The following C4BPB variants were observed in gnomAD, a reference collection of about 807,000 sequenced individuals.
The protein encoded by C4BPB is C4b-binding protein beta chain.
Under a neutral mutation model 26.6 loss-of-function variants are expected in C4BPB, and 19 were observed. The ratio of observed to expected loss-of-function variants is 0.71; its 90% CI spans 0.50 to 1.05. C4BPB has a LOEUF of 1.05. Ranked by LOEUF, C4BPB falls within the 50% of genes least tolerant of loss-of-function variation. C4BPB has a pLI of 0.00. For missense variants in C4BPB, 282 were observed against 302.9 expected (o/e 0.93, Z 0.51); for synonymous variants, 118 against 103.5 (o/e 1.14, Z -0.85).
Position 207,094,948 on chromosome 1 carries a change from C to T in C4BPB, c.410-1574C>T, listed in dbSNP as rs538961802. ...GGCATATAACTTTCCATACTTTTTT[C>T]CTGTGCTTATGTATGTGTAACCATG... On this transcript the variant is annotated intron_variant, in intron 4 of 6. Coordinates refer to ENST00000367078, the MANE Select transcript of C4BPB (RefSeq NM_001017365.3). 101 of 189,542 alleles carry T rather than the reference C, an allele frequency of 5.3e-4. 1 individual carries two copies. The highest frequency in any genetic ancestry group is 2.2e-3 in the African/African-American group (92 of 41,712). The allele number at this position is 189,542 out of a possible 1,614,324, so 11.7% of individuals were successfully genotyped here.
At position 207,091,838 on chromosome 1, in the gene C4BPB, C is replaced by A; in HGVS notation, c.409+18C>A. The A allele has an allele frequency of 6.3e-7, 1 of 1,594,472 alleles. No homozygotes were observed. Among genetic ancestry groups the A allele is most frequent in the Non-Finnish European group, 8.5e-7 (1 of 1,170,066 alleles). ...CAAAAGTAGTAAGTACAAGAGAAAC[C>A]ATCAAGGATCCCCAAAATACTGATT... On this transcript the variant is annotated intron_variant, in intron 4 of 6. Coordinates refer to ENST00000367078, the MANE Select transcript of C4BPB (RefSeq NM_001017365.3).
chr1:207,095,658 A>G, intron 4 of C4BPB: 2 of 347,064 alleles, frequency 5.8e-6, no homozygotes, highest in Non-Finnish European at 1.1e-5. Context: ...TCTCTTTGAT[A>G]TAGTTTGGAT....
chr1:207,092,682 C>T (rs1204452752), intron 4 of C4BPB, among the ~76,000 whole-genome samples: 1 of 146,546 alleles, frequency 6.8e-6, no homozygotes, highest in African/African-American at 2.6e-5. Context: ...GGCTGGAGTG[C>T]AGTGGTGTGA....
intron 1 of C4BPB, 104 bp from the exon 2 acceptor site, chr1:207,089,378 T>C: frequency 1.7e-6 from 1 of 604,122 alleles, no homozygotes. Context: ...TTTTTTCTTT[T>C]CATTTTCTCC....
chr1:207,092,783 C>T lies in C4BPB; in HGVS notation c.409+963C>T, dbSNP rs190594016. ...GCTGGGTTACAGGTGCCTGCCACCA[C>T]GCCCAGCTAATTTTTGTATTTTTAG... On this transcript the variant is annotated intron_variant, in intron 4 of 6. Transcript: ENST00000367078. 1.8e-3 allele frequency among the ~76,000 whole-genome samples: 281 copies of T among 151,974 alleles called. 1 individual carries two copies. Among genetic ancestry groups the T allele is most frequent in the Non-Finnish European group, 1.3e-3 (90 of 67,956 alleles).
At chr1:207,094,064 G>A (rs572149133) in intron 4 of C4BPB, among the ~76,000 whole-genome samples, 2 of 152,210 alleles carry the variant, frequency 1.3e-5, no homozygotes, top group African/African-American at 4.8e-5. Flanking sequence ...GATCAGATTA[G>A]CAAAAAATGA....
intron 2 of C4BPB, among the ~76,000 whole-genome samples, 182 bp downstream of exon 2, chr1:207,089,771 A>T (rs981610318): frequency 2.0e-4 from 31 of 152,186 alleles, no homozygotes; most frequent in African/African-American, 7.2e-4. Context: ...ATTTAATGAT[A>T]ACCCTGATCT....
At chr1:207,097,540 TAAAA>T (rs36078505) in intron 5 of C4BPB, among the ~76,000 whole-genome samples, 4,064 of 115,836 alleles carry the variant, frequency 0.035, 186 homozygotes, top group African/African-American at 0.12. Flanking sequence ...TATGTTTTTC[TAAAA>T]AAAAAAAAAA....
At chr1:207,089,208 C>G in intron 1 of C4BPB, 2 of 317,630 alleles carry the variant, frequency 6.3e-6, no homozygotes, top group Non-Finnish European at 1.2e-5. Flanking sequence ...GATAAGCCTG[C>G]GTTTCAAAAA....
At chr1:207,098,335 G>A (rs537667691) in intron 6 of C4BPB, 71 bp downstream of exon 6, 31 of 944,466 alleles carry the variant, frequency 3.3e-5, no homozygotes, top group Non-Finnish European at 5.0e-5. Flanking sequence ...CCTGGCATAT[G>A]CTCAGTATAT....
chr1:207,096,466 G>A (rs552586984), intron 4 of C4BPB, 56 bp from the exon 5 acceptor site: 9 of 1,039,610 alleles, frequency 8.7e-6, no homozygotes, highest in African/African-American at 1.6e-5. Context: ...TAGGGGTGCT[G>A]TTCATTGAGC....
At chr1:207,098,358 T>G (rs540469119) in intron 6 of C4BPB, 94 bp downstream of exon 6, 2 of 759,682 alleles carry the variant, frequency 2.6e-6, no homozygotes, top group African/African-American at 3.5e-5. Flanking sequence ...CTGTTTAATG[T>G]GGGACATTTT....
intron 3 of C4BPB, among the ~76,000 whole-genome samples, chr1:207,090,742 A>T (rs1234568239): frequency 2.0e-5 from 3 of 151,402 alleles, no homozygotes; most frequent in Admixed American, 1.3e-4. Context: ...ATTAGAACTA[A>T]TTTTTTTTTG....
chr1:207,098,230 A>G lies in C4BPB; in HGVS notation c.584A>G (p.Gln195Arg). The G allele has an allele frequency of 6.2e-7, 1 of 1,613,818 alleles. No homozygotes were observed. Among genetic ancestry groups the G allele is most frequent in the Admixed American group, 1.7e-5 (1 of 59,992 alleles). Reference sequence around the variant, plus strand: ...GCACTTCCAGTCTGCAAGTTGATCCAGGAAGCTCCCAAACCAGAGTGTGAG... The same window carrying G: ...GCACTTCCAGTCTGCAAGTTGATCCGGGAAGCTCCCAAACCAGAGTGTGAG... The part of the protein sequence containing the change: ...SSALPVCKLI[Q>R]EAPKPECEKA... The change falls in exon 6 of 7, where the codon CAG becomes CGG. Residue 195 changes from glutamine (Q) to arginine (R), a missense_variant. By Grantham distance (43) the Gln-to-Arg change is conservative. Transcript: ENST00000367078.
chr1:207,090,935 T>G (rs2102303707), intron 3 of C4BPB, among the ~76,000 whole-genome samples: 1 of 152,332 alleles, frequency 6.6e-6, no homozygotes, highest in Admixed American at 6.5e-5. Context: ...GTAAGTGCAT[T>G]GTATCATTTT....
chr1:207,091,779 A>G lies in C4BPB; in HGVS notation c.368A>G (p.Glu123Gly). The change falls in exon 4 of 7, where the codon GAG (glutamate) becomes GGG (glycine). Residue 123 changes from glutamate to glycine, a missense_variant. Coordinates refer to ENST00000367078, the MANE Select transcript of C4BPB (RefSeq NM_001017365.3). ...GGCAGCAATCGGAGCCAGTGTCTAGAGGACCACACCTGGGCACCTCCCTTT... is the reference window on the plus strand; with the variant it reads ...GGCAGCAATCGGAGCCAGTGTCTAGGGGACCACACCTGGGCACCTCCCTTT... ...LKGSNRSQCL[E>G]DHTWAPPFPI... 6.2e-7 allele frequency: 1 copy of G among 1,614,178 alleles called. No individual in the cohort carries two copies. Among genetic ancestry groups the G allele is most frequent in the Non-Finnish European group, 8.5e-7 (1 of 1,180,008 alleles).
chr1:207,095,273 C>A, intron 4 of C4BPB: 1 of 456,578 alleles, frequency 2.2e-6, no homozygotes, highest in Non-Finnish European at 4.4e-6. Flanking sequence ...AACACGTCAT[C>A]CTGCTTTCTT....
intron 4 of C4BPB, 54 bp from the exon 5 acceptor site, chr1:207,096,468 T>C: frequency 9.5e-7 from 1 of 1,049,170 alleles, no homozygotes; most frequent in Non-Finnish European, 1.5e-6. Flanking sequence ...GGGGTGCTGT[T>C]CATTGAGCGT....
At chr1:207,095,625 A>G in intron 4 of C4BPB, 3 of 339,946 alleles carry the variant, frequency 8.8e-6, no homozygotes, top group Non-Finnish European at 1.7e-5. Flanking sequence ...CACTGCTCCC[A>G]CCTTCTCCCC....
Sources: allele counts gnomAD v4.1 joint callset (sites outside exome capture counted in the v4.1 genomes callset), GRCh38; gene constraint gnomAD v4.1.1; transcripts MANE v1.5; gene names NCBI Gene and HGNC (gene_info 2026-07-23, HGNC 2026-07-21).